The following MCPH1 variants were observed in gnomAD, a reference collection of about 807,000 sequenced individuals.
MCPH1 encodes the protein microcephalin.
In MCPH1, 104 loss-of-function variants were observed where a neutral mutation model predicts 84.5. The observed-to-expected ratio is 1.23, with a 90% CI of 1.05 to 1.45. The LOEUF (loss-of-function observed/expected upper bound fraction) is 1.45, where lower values mean the gene tolerates loss of function less well. Ranked by LOEUF, MCPH1 falls within the 40% of genes most tolerant of loss-of-function variation. The pLI is 0.00. For synonymous variants in MCPH1, 514 were observed against 366.8 expected (o/e 1.40, Z -4.58); for missense variants, 1,498 against 1,005.7 (o/e 1.49, Z -6.62).
Position 6,641,805 on chromosome 8 carries a change from G to A in MCPH1, c.2453-1189G>A, listed in dbSNP as rs568266224. ...GCTTCACTGTTGTGGAGAGAATTAA[G>A]TAGTATGCCTAGTACTAATAATATT... On this transcript the variant is annotated intron_variant, in intron 13 of 13. Transcript: ENST00000344683. Among the ~76,000 whole-genome samples, 5 of 152,286 alleles carry A rather than the reference G, an allele frequency of 3.3e-5. No homozygotes were observed. In the East Asian group the frequency reaches 9.6e-4, roughly 29 times the overall value.
chr8:6,448,206 C>A (rs891115606), intron 8 of MCPH1, among the ~76,000 whole-genome samples: 1 of 152,162 alleles, frequency 6.6e-6, no homozygotes, highest in African/African-American at 2.4e-5. Context: ...AGGTGACCAA[C>A]GAAGGCTTCC....
At chr8:6,548,602 C>G (rs866834739) in intron 12 of MCPH1, among the ~76,000 whole-genome samples, 1 of 152,072 alleles carries the variant, frequency 6.6e-6, no homozygotes, top group Admixed American at 6.5e-5. Flanking sequence ...AGAAAGTACA[C>G]CTGATGGATT....
At chr8:6,472,652 G>C (rs967941166) in intron 9 of MCPH1, among the ~76,000 whole-genome samples, 1 of 151,954 alleles carries the variant, frequency 6.6e-6, no homozygotes, top group Non-Finnish European at 1.5e-5. Flanking sequence ...TTTTTTAGTA[G>C]AGATGGGGTT....
At chr8:6,524,368 GC>G (rs1303024921) in intron 12 of MCPH1, among the ~76,000 whole-genome samples, 2 of 152,194 alleles carry the variant, frequency 1.3e-5, no homozygotes, top group Non-Finnish European at 2.9e-5. Context: ...TAGCTTTTCT[GC>G]GAAGGCATAT....
At chr8:6,545,969 A>G (rs1822513030) in intron 12 of MCPH1, among the ~76,000 whole-genome samples, 1 of 152,230 alleles carries the variant, frequency 6.6e-6, no homozygotes, top group South Asian at 2.1e-4. Flanking sequence ...GGAAGTAGCG[A>G]TATTTGTGAC....
chr8:6,457,644 G>A (rs1430968089), intron 9 of MCPH1, among the ~76,000 whole-genome samples: 1 of 152,114 alleles, frequency 6.6e-6, no homozygotes, highest in Non-Finnish European at 1.5e-5. Flanking sequence ...GGCCCCACCT[G>A]AGACCCTCCT....
intron 9 of MCPH1, among the ~76,000 whole-genome samples, chr8:6,459,660 A>C (rs907369501): frequency 6.6e-6 from 1 of 152,250 alleles, no homozygotes; most frequent in Non-Finnish European, 1.5e-5. Flanking sequence ...GCCAGCCTAC[A>C]TGCTATTTCT....
intron 9 of MCPH1, among the ~76,000 whole-genome samples, chr8:6,458,706 G>A (rs1805960124): frequency 6.6e-6 from 1 of 152,178 alleles, no homozygotes; most frequent in East Asian, 1.9e-4. Flanking sequence ...GTGTACTGGT[G>A]TTATCTCGGC....
At chr8:6,465,387 G>A (rs773291615) in intron 9 of MCPH1, among the ~76,000 whole-genome samples, 36 of 152,298 alleles carry the variant, frequency 2.4e-4, no homozygotes, top group Non-Finnish European at 4.6e-4. Flanking sequence ...CCACTGCGCT[G>A]CTCCCACCAC....
At chr8:6,526,470 G>T (rs1457260807) in intron 12 of MCPH1, among the ~76,000 whole-genome samples, 3 of 151,614 alleles carry the variant, frequency 2.0e-5, no homozygotes, top group Non-Finnish European at 4.4e-5. Context: ...GAAATTAGCA[G>T]GATTGTTATA....
At chr8:6,517,002 GT>G (rs1016173186) in intron 12 of MCPH1, among the ~76,000 whole-genome samples, 1 of 152,068 alleles carries the variant, frequency 6.6e-6, no homozygotes, top group Non-Finnish European at 1.5e-5. Flanking sequence ...CTTCATCCAG[GT>G]TTTTAGAAAA....
chr8:6,500,744 CTGTT>C (rs1563295172), intron 12 of MCPH1: 5 of 152,184 alleles, frequency 3.3e-5, no homozygotes, highest in African/African-American at 7.2e-5. Context: ...CTCAGCAAAA[CTGTT>C]TGTTTGAAAT....
rs117370280 is a variant in MCPH1, at chr8:6,553,311, C to T, written c.2214+53382C>T. Reference sequence around the variant, plus strand: ...ATCATTTACTACATATGAAAAGGAACAAGTAAAGCAACAACAACAAAATGT... The same window carrying T: ...ATCATTTACTACATATGAAAAGGAATAAGTAAAGCAACAACAACAAAATGT... On this transcript the variant is annotated intron_variant, in intron 12 of 13. Transcript: ENST00000344683. 8.7e-4 allele frequency among the ~76,000 whole-genome samples: 132 copies of T among 152,188 alleles called. 1 individual carries two copies. In the South Asian group the frequency reaches 0.014, roughly 16 times the overall value.
At chr8:6,455,639 C>T (rs1805592667) in intron 9 of MCPH1, among the ~76,000 whole-genome samples, 1 of 152,158 alleles carries the variant, frequency 6.6e-6, no homozygotes, top group Non-Finnish European at 1.5e-5. Context: ...TGACCTCAAG[C>T]CATCAGAGTG....
chr8:6,408,620 C>T (rs567819545), intron 1 of MCPH1, among the ~76,000 whole-genome samples: 46 of 152,228 alleles, frequency 3.0e-4, no homozygotes, highest in Middle Eastern at 3.4e-3. Context: ...TCAGCTTCTA[C>T]CTCCTGGGCT....
chr8:6,583,710 A>G (rs1201527111), intron 12 of MCPH1, among the ~76,000 whole-genome samples: 2 of 152,060 alleles, frequency 1.3e-5, no homozygotes, highest in African/African-American at 4.8e-5. Context: ...ACGTCTTATA[A>G]ATAGTTCTCC....
chr8:6,474,112 G>C, intron 9 of MCPH1: 1 of 767,482 alleles, frequency 1.3e-6, no homozygotes, highest in Non-Finnish European at 2.4e-6. Flanking sequence ...GTTCAGGGAA[G>C]AAATCACAAC....
intron 8 of MCPH1, among the ~76,000 whole-genome samples, chr8:6,450,556 C>T (rs1371267594): frequency 6.7e-6 from 1 of 150,332 alleles, no homozygotes; most frequent in Non-Finnish European, 1.5e-5. Flanking sequence ...TTGGGTTCCC[C>T]TGCAATATTT....
intron 8 of MCPH1, chr8:6,446,180 T>C (rs1804338966): frequency 1.1e-5 from 10 of 880,100 alleles, no homozygotes; most frequent in Non-Finnish European, 1.4e-5. Context: ...AATTTAATTG[T>C]AATTATAATA....
Sources: gnomAD v4.1 joint callset for allele counts (sites outside exome capture counted in the v4.1 genomes callset) on GRCh38, gnomAD v4.1.1 for gene constraint, MANE v1.5 for transcripts, NCBI Gene and HGNC (gene_info 2026-07-23, HGNC 2026-07-21) for gene names.